The following TFAP2A variants were observed in gnomAD, a reference collection of about 807,000 sequenced individuals.
The protein encoded by TFAP2A is transcription factor AP-2 alpha, also known as transcription factor AP-2-alpha.
In TFAP2A, 7 loss-of-function variants were observed where a neutral mutation model predicts 41.5. That is an observed-to-expected ratio of 0.17 (90% CI 0.10 to 0.32). The LOEUF is 0.32. TFAP2A is among the 10% of genes least tolerant of loss of function. The probability of loss-of-function intolerance (pLI) is 1.00; values close to 1 mark genes in which losing one functional copy is unlikely to be tolerated. For missense variants in TFAP2A, 416 were observed against 563.3 expected (o/e 0.74, Z 2.65); for synonymous variants, 247 against 242.8 (o/e 1.02, Z -0.16).
chr6:10,410,465 A>G, intron 1 of TFAP2A, 130 bp from the exon 2 acceptor site: 1 of 855,268 alleles, frequency 1.2e-6, no homozygotes, highest in Non-Finnish European at 1.9e-6. Flanking sequence ...CCGGGAAAAA[A>G]TCAGCTCTAA....
upstream of TFAP2A, chr6:10,418,195 A>G (rs1387725834): frequency 6.6e-6 from 1 of 152,256 alleles, no homozygotes; most frequent in African/African-American, 2.4e-5. Flanking sequence ...AGGGAGAAGA[A>G]TATAAAAGAG....
intron 1 of TFAP2A, chr6:10,412,929 G>A (rs918482074): frequency 1.2e-4 from 18 of 152,754 alleles, no homozygotes; most frequent in Admixed American, 8.5e-4. Context: ...ATTCCGGATC[G>A]GGAGCCGGGA....
intron 5 of TFAP2A, among the ~76,000 whole-genome samples, chr6:10,401,288 C>G (rs1004035876): frequency 7.2e-5 from 11 of 152,184 alleles, no homozygotes; most frequent in African/African-American, 2.4e-4. Flanking sequence ...AACCCCCAAA[C>G]CCAGACGAAC....
At position 10,397,045 on chromosome 6, in the gene TFAP2A, T is replaced by A. The variant is rs978864068; in HGVS notation, c.*1372A>T. Reference sequence around the variant, plus strand: ...GCCACTGAATAAAAAAAAATCGACATAAAGCGTATCAAATATTTATTTATC... The same window carrying A: ...GCCACTGAATAAAAAAAAATCGACAAAAAGCGTATCAAATATTTATTTATC... On this transcript the variant is annotated 3_prime_UTR_variant, in exon 7 of 7. Transcript: ENST00000379613. 6.6e-6 allele frequency: 1 copy of A among 152,444 alleles called. No individual in the cohort carries two copies. Among genetic ancestry groups the A allele is most frequent in the African/African-American group, 2.4e-5 (1 of 41,402 alleles). 9.4% of individuals were successfully genotyped at this position (152,444 alleles called of 1,614,324 possible).
At chr6:10,404,463 C>G (rs891821832) in intron 4 of TFAP2A, 45 bp downstream of exon 4, 3 of 1,406,174 alleles carry the variant, frequency 2.1e-6, no homozygotes, top group African/African-American at 3.0e-5. Context: ...CGCAGTGGTT[C>G]CCCCGGCCGC....
chr6:10,412,199 G>A (rs1283010713), intron 1 of TFAP2A: 1 of 986,870 alleles, frequency 1.0e-6, no homozygotes, highest in East Asian at 1.1e-4. Flanking sequence ...GAGACAAAAA[G>A]CGAGCGAGAG....
In TFAP2A at chr6:10,400,570, G is replaced by T. The variant is rs745607212; in HGVS notation, c.909C>A (p.Ala303=). 6.2e-7 allele frequency: 1 copy of T among 1,614,142 alleles called. No homozygotes were observed. The highest frequency in any genetic ancestry group is 8.5e-7 in the Non-Finnish European group (1 of 1,180,040). The change falls in exon 6 of 7, where the codon GCC becomes GCA. Residue 303 remains alanine, a synonymous_variant. Coordinates refer to ENST00000379613, the MANE Select transcript of TFAP2A (RefSeq NM_001372066.1). ...SLVEGEAVHL[A]RDFGYVCETE... is the part of the protein sequence containing the mutation. Reference sequence around the variant, plus strand: ...TTTCGCACACGTACCCAAAGTCCCTGGCTAGGTGGACAGCTTCTCCTGGCA... The same window carrying T: ...TTTCGCACACGTACCCAAAGTCCCTTGCTAGGTGGACAGCTTCTCCTGGCA...
chr6:10,407,124 T>C (rs1375668486), intron 2 of TFAP2A: 2 of 480,682 alleles, frequency 4.2e-6, no homozygotes, highest in African/African-American at 2.0e-5. Context: ...GGAAATTAAA[T>C]CAAGTGTTGG....
At position 10,410,259 on chromosome 6, in the gene TFAP2A, CTCG is replaced by C; in HGVS notation, c.125_127del (p.Thr42del). On this transcript the variant is annotated inframe_deletion, in exon 2 of 7. Transcript: ENST00000379613. The stretch of plus-strand genomic sequence containing the variant: ...GGGGGTGTGGGACAGCGGCGGGGCG[CTCG>C]TGTAGGGAGATTGACCTACAGTGCC... The C allele has an allele frequency of 6.2e-7, 1 of 1,612,990 alleles. No individual in the cohort carries two copies. The highest frequency in any genetic ancestry group is 8.5e-7 in the Non-Finnish European group (1 of 1,179,648).
chr6:10,415,033 AAGTGG>A lies in TFAP2A; in HGVS notation c.-47_-43del. 6.2e-7 allele frequency: 1 copy of A among 1,613,796 alleles called. No homozygotes were observed. Among genetic ancestry groups the A allele is most frequent in the Non-Finnish European group, 8.5e-7 (1 of 1,179,958 alleles). On this transcript the variant is annotated 5_prime_UTR_variant, in exon 1 of 7. Coordinates refer to ENST00000379613, the MANE Select transcript of TFAP2A (RefSeq NM_001372066.1). ...ATATGCCCCTCTCGGTCTCGCACCC[AAGTGG>A]AGCTACTCTCTGGGTGAGCGCAAAG... is the stretch of plus-strand genomic sequence containing the variant.
In TFAP2A at chr6:10,398,455, CGTT is replaced by C; in HGVS notation, c.1279_1281del (p.Asn427del). On this transcript the variant is annotated inframe_deletion, in exon 7 of 7. Coordinates refer to ENST00000379613, the MANE Select transcript of TFAP2A (RefSeq NM_001372066.1). The surrounding 1 kb of genome is among the most constrained non-coding windows in gnomAD (Gnocchi z 5.3). ...TTCTCCTCTTTGTCACTGCTTTTGG[CGTT>C]GTTGTCCGTGTGGCTGTTGGGGTTG... 1 of 1,614,178 alleles carries C rather than the reference CGTT, an allele frequency of 6.2e-7. No individual in the cohort carries two copies. Among genetic ancestry groups the C allele is most frequent in the Middle Eastern group, 1.7e-4 (1 of 6,054 alleles).
At chr6:10,403,680 A>C (rs950671907) in intron 4 of TFAP2A, among the ~76,000 whole-genome samples, 1 of 152,226 alleles carries the variant, frequency 6.6e-6, no homozygotes, top group Non-Finnish European at 1.5e-5. Context: ...TCCTAGGGGT[A>C]GGAAGCCCAC....
At chr6:10,400,797 G>A in intron 5 of TFAP2A, 1 of 706,324 alleles carries the variant, frequency 1.4e-6, no homozygotes, top group Non-Finnish European at 2.5e-6. Context: ...TTCTCCTAGA[G>A]GGCCAAGAAG....
chr6:10,405,076 G>A, intron 3 of TFAP2A: 1 of 379,288 alleles, frequency 2.6e-6, no homozygotes, highest in Non-Finnish European at 4.9e-6. Flanking sequence ...TCCGAGCGGA[G>A]TGGGCCCCAG....
chr6:10,415,021 G>T lies in TFAP2A; in HGVS notation c.-30C>A, dbSNP rs760145973. 2.5e-6 allele frequency: 4 copies of T among 1,613,936 alleles called. No homozygotes were observed. Among genetic ancestry groups the T allele is most frequent in the South Asian group, 2.2e-5 (2 of 91,062 alleles). ...CGGCGTGAACGGATATGCCCCTCTC[G>T]GTCTCGCACCCAAGTGGAGCTACTC... On this transcript the variant is annotated 5_prime_UTR_variant, in exon 1 of 7. Coordinates refer to ENST00000379613, the MANE Select transcript of TFAP2A (RefSeq NM_001372066.1).
intron 4 of TFAP2A, among the ~76,000 whole-genome samples, chr6:10,404,159 G>A (rs1404369561): frequency 6.6e-6 from 1 of 152,198 alleles, no homozygotes; most frequent in Admixed American, 6.5e-5. Context: ...GCTGTACGGC[G>A]CCCCGCGGCT....
At chr6:10,406,955 C>T (rs1481668910) in intron 2 of TFAP2A, 111 bp from the exon 3 acceptor site, 14 of 855,162 alleles carry the variant, frequency 1.6e-5, no homozygotes, top group East Asian at 2.5e-5. Flanking sequence ...TTCCCCCTCC[C>T]GTATAATGAC....
chr6:10,397,965 G>C lies in TFAP2A; in HGVS notation c.*452C>G. 9.8e-7 allele frequency: 1 copy of C among 1,019,296 alleles called. No homozygotes were observed. Among genetic ancestry groups the C allele is most frequent in the Non-Finnish European group, 1.2e-6 (1 of 850,862 alleles). 63.1% of individuals were successfully genotyped at this position (1,019,296 alleles called of 1,614,324 possible). A position where few individuals can be genotyped will look rare whatever the true frequency, so the allele number is the denominator to read the frequency against. ...ACAATCTGAACTGAAGTATGTAAGG[G>C]AAGGTGGTGACTCAGTCCCATGAAG... On this transcript the variant is annotated 3_prime_UTR_variant, in exon 7 of 7. Transcript: ENST00000379613.
At chr6:10,402,108 G>C (rs1484208632) in intron 5 of TFAP2A, 4 of 365,070 alleles carry the variant, frequency 1.1e-5, no homozygotes, top group Non-Finnish European at 2.1e-5. Flanking sequence ...GCAGGTCAAA[G>C]ATTCCCAAAT....
Sources: gnomAD v4.1 joint callset for allele counts (sites outside exome capture counted in the v4.1 genomes callset) on GRCh38, gnomAD v4.1.1 for gene constraint, Gnocchi (gnomAD v3.1) non-coding constraint, MANE v1.5 for transcripts, NCBI Gene and HGNC (gene_info 2026-07-23, HGNC 2026-07-21) for gene names.